COXFA4L2: variants seen among roughly 807,000 people sequenced by gnomAD.
COXFA4L2 encodes the protein NADH dehydrogenase (ubiquinone) 1 alpha subcomplex, 4-like 2.
chr12:57,238,241 G>A, the COXFA4L2 span, among the ~76,000 whole-genome samples: 1 of 152,170 alleles, frequency 6.6e-6, no homozygotes, highest in Non-Finnish European at 1.5e-5. The surrounding 1 kb of genome is among the most constrained non-coding windows in gnomAD (Gnocchi z 6.8). Context: ...TCTAGGGTCC[G>A]CCTCCCTTTC....
the COXFA4L2 span, chr12:57,236,176 G>A: frequency 3.0e-6 from 1 of 329,462 alleles, no homozygotes; most frequent in Admixed American, 4.5e-5. Flanking sequence ...TAAAGCCATG[G>A]GTGCGCCTTT....
the COXFA4L2 span, chr12:57,236,910 C>A: frequency 7.2e-7 from 1 of 1,395,130 alleles, no homozygotes; most frequent in East Asian, 2.3e-5. Context: ...ACTGGGGCAA[C>A]CTTAGGGGAA....
At chr12:57,240,220 G>A in the COXFA4L2 span, 1 of 152,156 alleles carries the variant, frequency 6.6e-6, no homozygotes, top group South Asian at 2.1e-4. Context: ...TGCGCGGTGA[G>A]CGAACGAGTG....
At chr12:57,236,981 G>A in the COXFA4L2 span, 1 of 1,609,552 alleles carries the variant, frequency 6.2e-7, no homozygotes, top group Non-Finnish European at 8.5e-7. Flanking sequence ...GGAGGGTGGG[G>A]CAGCAGGAGA....
the COXFA4L2 span, chr12:57,240,648 C>G: frequency 4.1e-6 from 4 of 984,194 alleles, no homozygotes; most frequent in African/African-American, 3.5e-5. Context: ...CCCAGGCACA[C>G]GCCTACGCAC....
At chr12:57,239,797 C>G in the COXFA4L2 span, 1 of 152,908 alleles carries the variant, frequency 6.5e-6, no homozygotes, top group Non-Finnish European at 1.5e-5. The surrounding 1 kb of genome is among the most constrained non-coding windows in gnomAD (Gnocchi z 5.5). Context: ...GTGTCTCGCT[C>G]CCTCCCTCCA....
At chr12:57,238,239 C>T in the COXFA4L2 span, among the ~76,000 whole-genome samples, 10 of 152,112 alleles carry the variant, frequency 6.6e-5, no homozygotes, top group Non-Finnish European at 1.5e-5. The surrounding 1 kb of genome is among the most constrained non-coding windows in gnomAD (Gnocchi z 6.8). Flanking sequence ...TTTCTAGGGT[C>T]CGCCTCCCTT....
At chr12:57,236,803 C>T in the COXFA4L2 span, 1 of 843,662 alleles carries the variant, frequency 1.2e-6, no homozygotes, top group Non-Finnish European at 1.8e-6. Context: ...TCCCTGGAAT[C>T]TCCTACAACC....
chr12:57,235,511 G>A, the COXFA4L2 span: 2 of 1,589,950 alleles, frequency 1.3e-6, no homozygotes, highest in African/African-American at 1.3e-5. Context: ...AGTGGAAGAA[G>A]TGGATGGGCT....
At chr12:57,236,594 A>G in the COXFA4L2 span, 1 of 1,577,984 alleles carries the variant, frequency 6.3e-7, no homozygotes, top group East Asian at 2.3e-5. Context: ...TGCCTTTACC[A>G]GACGTCGGGG....
chr12:57,236,768 AC>A, the COXFA4L2 span: 1 of 1,243,054 alleles, frequency 8.0e-7, no homozygotes, highest in South Asian at 1.5e-5. Context: ...GCCCACCCCA[AC>A]CCCACCCCGG....
chr12:57,237,970 C>G, the COXFA4L2 span: 1 of 153,976 alleles, frequency 6.5e-6, no homozygotes, highest in African/African-American at 2.4e-5. Flanking sequence ...CTGTCCTCAA[C>G]CATCTCAGGT....
At chr12:57,240,239 C>A in the COXFA4L2 span, 1 of 152,160 alleles carries the variant, frequency 6.6e-6, no homozygotes, top group Non-Finnish European at 1.5e-5. Context: ...TGAGACAAAG[C>A]CGCCCGCGCC....
chr12:57,240,722 C>T, the COXFA4L2 span: 1 of 985,412 alleles, frequency 1.0e-6, no homozygotes, highest in Non-Finnish European at 1.2e-6. Context: ...CCCGCTGGCT[C>T]TTCCTGATTT....
the COXFA4L2 span, chr12:57,235,776 G>A: frequency 1.3e-6 from 2 of 1,577,888 alleles, no homozygotes; most frequent in Non-Finnish European, 1.7e-6. Flanking sequence ...GGCTCAGGCG[G>A]TTCCAGGGCT....
chr12:57,238,996 G>T, the COXFA4L2 span, among the ~76,000 whole-genome samples: 1 of 152,128 alleles, frequency 6.6e-6, no homozygotes, highest in Non-Finnish European at 1.5e-5. This position sits in a 1 kb window ranked among gnomAD's most constrained non-coding sequence, Gnocchi z 6.8. Flanking sequence ...ATCTCTCCTC[G>T]CTCCCCACAC....
chr12:57,239,414 G>T, the COXFA4L2 span: 8 of 152,490 alleles, frequency 5.2e-5, no homozygotes, highest in East Asian at 1.5e-3. This position sits in a 1 kb window ranked among gnomAD's most constrained non-coding sequence, Gnocchi z 5.5. Flanking sequence ...CTCTTCTGGT[G>T]TGAGATGGGA....
At chr12:57,237,232 A>G in the COXFA4L2 span, 10 of 1,497,536 alleles carry the variant, frequency 6.7e-6, no homozygotes, top group East Asian at 4.9e-5. Context: ...CCCCACCCCA[A>G]CTTAGCTCAC....
chr12:57,237,523 C>T, the COXFA4L2 span, among the ~76,000 whole-genome samples: 2 of 152,216 alleles, frequency 1.3e-5, no homozygotes, highest in Non-Finnish European at 2.9e-5. Context: ...TGCAGCACTT[C>T]CCTGACACCC....
Sources: allele counts gnomAD v4.1 joint callset (sites outside exome capture counted in the v4.1 genomes callset), GRCh38; gene constraint gnomAD v4.1.1; non-coding constraint Gnocchi (gnomAD v3.1); transcripts MANE v1.5; gene names NCBI Gene and HGNC (gene_info 2026-07-23, HGNC 2026-07-21).